USP32: variants seen among roughly 807,000 people sequenced by gnomAD.
USP32 encodes the protein ubiquitin specific peptidase 32.
USP32 carries 59 observed loss-of-function variants against 204.8 expected under a neutral mutation model. The ratio of observed to expected loss-of-function variants is 0.29; its 90% CI spans 0.23 to 0.36. The LOEUF (loss-of-function observed/expected upper bound fraction) is 0.36, where lower values mean the gene tolerates loss of function less well. Among genes scored for constraint, USP32 ranks in the 10% least tolerant of loss-of-function variants. USP32 has a pLI of 1.00. For synonymous variants in USP32, 517 were observed against 678.4 expected (o/e 0.76, Z 3.70); for missense variants, 1,160 against 1,946.4 (o/e 0.60, Z 7.60).
chr17:60,296,629 G>C (rs1264180179), intron 3 of USP32, among the ~76,000 whole-genome samples: 1 of 152,134 alleles, frequency 6.6e-6, no homozygotes, highest in Non-Finnish European at 1.5e-5. Flanking sequence ...TGTTATGGCA[G>C]CCCTAGAAAA....
rs563663126 is a variant in USP32 at position 60,407,767 on chromosome 17, G to A, written c.106+14479C>T. On this transcript the variant is annotated intron_variant, in intron 1 of 3. Transcript: ENST00000588898. Reference sequence around the variant, plus strand: ...ACTGTGCTCCAGCCTGGGCGACAGAGCAAGCCTCTGTCTCAAAAAAAAAAA... The same window carrying A: ...ACTGTGCTCCAGCCTGGGCGACAGAACAAGCCTCTGTCTCAAAAAAAAAAA... Among the ~76,000 whole-genome samples the A allele has an allele frequency of 1.8e-3, 215 of 122,616 alleles. 4 individuals carry two copies. Among genetic ancestry groups the A allele is most frequent in the African/African-American group, 6.6e-3 (204 of 31,032 alleles). 80.4% of individuals were successfully genotyped at this position (122,616 alleles called of 152,430 possible). A position where few individuals can be genotyped will look rare whatever the true frequency, so the allele number is the denominator to read the frequency against.
rs546619408 is a variant in USP32 at position 60,257,288 on chromosome 17, G to A, written c.991-2030C>T. Among the ~76,000 whole-genome samples, 7 of 152,138 alleles carry A rather than the reference G, an allele frequency of 4.6e-5. No individual in the cohort carries two copies. The South Asian group carries it at 1.0e-3, about 23-fold the overall frequency. On this transcript the variant is annotated intron_variant, in intron 9 of 33. Transcript: ENST00000300896. ...GAAGGAGAGGATTGGAAAGTCCTTC[G>A]GCATGCACAGTTATTTCTTCATGTT... is the stretch of plus-strand genomic sequence containing the variant.
chr17:60,409,838 A>T (rs906449937), intron 1 of USP32, among the ~76,000 whole-genome samples: 2 of 152,158 alleles, frequency 1.3e-5, no homozygotes, highest in Admixed American at 6.5e-5. Context: ...TCATAAGCTT[A>T]AAAAAATCAC....
chr17:60,187,155 A>T (rs2084271527), intron 29 of USP32, among the ~76,000 whole-genome samples: 1 of 152,164 alleles, frequency 6.6e-6, no homozygotes, highest in Non-Finnish European at 1.5e-5. Flanking sequence ...AGCTCAAGAC[A>T]TTCAGTTTAG....
At chr17:60,400,078 T>C (rs9908510) in intron 1 of USP32, among the ~76,000 whole-genome samples, 27,920 of 151,930 alleles carry the variant, frequency 0.18, 6,023 homozygotes, top group African/African-American at 0.52. Context: ...AATTTTCCCA[T>C]CTCAGCCTCC....
chr17:60,388,289 T>TAC (rs35068599), intron 1 of USP32, among the ~76,000 whole-genome samples: 18,538 of 141,888 alleles, frequency 0.13, 1,196 homozygotes, highest in East Asian at 0.22. Flanking sequence ...AGCCGATTCT[T>TAC]ACACACACAC....
At chr17:60,371,818 G>C (rs2089448468) in intron 1 of USP32, among the ~76,000 whole-genome samples, 1 of 152,172 alleles carries the variant, frequency 6.6e-6, no homozygotes, top group Non-Finnish European at 1.5e-5. Flanking sequence ...GTCTTGAAAG[G>C]AGACTTAGGC....
chr17:60,293,202 C>T (rs2087330115), intron 4 of USP32, among the ~76,000 whole-genome samples: 2 of 152,256 alleles, frequency 1.3e-5, no homozygotes, highest in South Asian at 4.1e-4. Context: ...AATACATGTG[C>T]CTGCTATTGT....
chr17:60,198,124 T>C (rs1028197480), intron 27 of USP32, 136 bp downstream of exon 27: 140 of 1,173,422 alleles, frequency 1.2e-4, no homozygotes, highest in Non-Finnish European at 1.5e-4. Context: ...AATGGTTGAA[T>C]TGTATGCTGT....
At chr17:60,259,037 T>G (rs1004829299) in intron 9 of USP32, among the ~76,000 whole-genome samples, 1 of 152,232 alleles carries the variant, frequency 6.6e-6, no homozygotes, top group Non-Finnish European at 1.5e-5. Context: ...TTGCTTCATT[T>G]TTGTAATAAC....
intron 1 of USP32, among the ~76,000 whole-genome samples, chr17:60,412,858 C>T (rs2090029238): frequency 6.6e-6 from 1 of 152,154 alleles, no homozygotes; most frequent in Admixed American, 6.5e-5. Flanking sequence ...CAAAGAAAAC[C>T]TTCCAGAAAG....
intron 1 of USP32, among the ~76,000 whole-genome samples, chr17:60,411,404 C>T: frequency 6.7e-6 from 1 of 149,844 alleles, no homozygotes; most frequent in African/African-American, 2.4e-5. Flanking sequence ...CCCAGCTACT[C>T]AGGAGGCTGA....
chr17:60,285,684 G>A (rs1333520614), intron 5 of USP32, among the ~76,000 whole-genome samples: 1 of 152,184 alleles, frequency 6.6e-6, no homozygotes, highest in African/African-American at 2.4e-5. Context: ...TACAAGTAAG[G>A]TGTTATCAGA....
At chr17:60,277,230 T>C (rs1430756295) in intron 5 of USP32, among the ~76,000 whole-genome samples, 1 of 152,198 alleles carries the variant, frequency 6.6e-6, no homozygotes, top group Non-Finnish European at 1.5e-5. Flanking sequence ...GGTCTGCACT[T>C]TGGGCCATCC....
intron 5 of USP32, among the ~76,000 whole-genome samples, chr17:60,286,867 C>T (rs6503957): frequency 6.6e-6 from 1 of 152,144 alleles, no homozygotes; most frequent in Non-Finnish European, 1.5e-5. Context: ...TTCTTCCCAG[C>T]CTGGGTGTGG....
intron 11 of USP32, among the ~76,000 whole-genome samples, chr17:60,247,445 G>C (rs768026291): frequency 2.0e-5 from 3 of 152,170 alleles, no homozygotes; most frequent in Non-Finnish European, 4.4e-5. Context: ...CTCCCAAAGT[G>C]CTGGGATTAC....
chr17:60,351,704 A>G (rs908000109), intron 1 of USP32, among the ~76,000 whole-genome samples: 2 of 152,248 alleles, frequency 1.3e-5, no homozygotes, highest in African/African-American at 4.8e-5. Context: ...CTGGGATTAC[A>G]GGCGTGAGCC....
intron 12 of USP32, among the ~76,000 whole-genome samples, chr17:60,226,617 A>G (rs2085398773): frequency 6.6e-6 from 1 of 152,200 alleles, no homozygotes; most frequent in Admixed American, 6.5e-5. Flanking sequence ...AATGTAGAAA[A>G]TATAGAAAAC....
rs746813664 is a variant in USP32, at chr17:60,345,525, T to C, written c.142A>G (p.Ile48Val). Residue 48 changes from isoleucine to valine, a missense_variant, in exon 2 of 34, where the codon ATC (isoleucine) becomes GTC (valine). Around this residue, in one of 8 missense-constraint regions of USP32, gnomAD observed 536 missense variants for 680.9 expected, o/e 0.79. Coordinates refer to ENST00000300896, the MANE Select transcript of USP32 (RefSeq NM_032582.4). ...ACTCCATCCCCAAGCACTTCCCGGA[T>C]GAAGCAGTGCTGGCCCATGTAATAT... Reference protein sequence around the residue: ...LSYYMGQHCFIREVLGDGVPP... With the variant: ...LSYYMGQHCFVREVLGDGVPP... 6.2e-7 allele frequency: 1 copy of C among 1,614,232 alleles called. No homozygotes were observed. The highest frequency in any genetic ancestry group is 8.5e-7 in the Non-Finnish European group (1 of 1,180,032).
Sources: allele counts gnomAD v4.1 joint callset (sites outside exome capture counted in the v4.1 genomes callset), GRCh38; gene constraint gnomAD v4.1.1; regional missense constraint gnomAD v4.1.1; transcripts MANE v1.5; gene names NCBI Gene and HGNC (gene_info 2026-07-23, HGNC 2026-07-21).